Variants in CYLC1 observed in about 807,000 individuals in gnomAD.
CYLC1 encodes cylicin 1.
Under a neutral mutation model 31.6 loss-of-function variants are expected in CYLC1, and 2 were observed. The observed-to-expected ratio is 0.06, with a 90% CI of 0.03 to 0.20. The LOEUF is 0.20. Ranked by LOEUF, CYLC1 falls within the 10% of genes least tolerant of loss-of-function variation. The pLI is 1.00. For synonymous variants in CYLC1, 185 were observed against 153.0 expected (o/e 1.21, Z -1.54); for missense variants, 595 against 424.1 (o/e 1.40, Z -3.54).
intron 4 of CYLC1, among the ~76,000 whole-genome samples, chrX:83,877,896 AC>A (rs1248428002): frequency 7.3e-5 from 3 of 41,371 alleles, no homozygotes; most frequent in Admixed American, 5.0e-4. Context: ...ATATATATAT[AC>A]AAATATATAT....
At chrX:83,871,677 A>G (rs1363435234) in intron 3 of CYLC1, 107 bp downstream of exon 3, 4 of 752,425 alleles carry the variant, frequency 5.3e-6, no homozygotes, top group Non-Finnish European at 7.5e-6. Flanking sequence ...GTTGGAAGAT[A>G]TTTTTAAATT....
intron 2 of CYLC1, 125 bp from the exon 3 acceptor site, chrX:83,871,327 A>C: frequency 5.0e-6 from 2 of 403,208 alleles, no homozygotes; most frequent in Non-Finnish European, 8.2e-6. Flanking sequence ...ACTCTGAGGA[A>C]AAAATCTATA....
rs199794747 is a variant in CYLC1 at position 83,874,013 on chromosome X, G to T, written c.1305G>T (p.Lys435Asn). 5.9e-4 allele frequency: 704 copies of T among 1,189,302 alleles called. 3 individuals are homozygous for T. Among genetic ancestry groups the T allele is most frequent in the Middle Eastern group, 2.1e-3 (9 of 4,292 alleles). The change falls in exon 4 of 5, where the codon AAG becomes AAT. Residue 435 changes from lysine (K) to asparagine (N), a missense_variant. Physicochemically the swap from Lys to Asn is moderately conservative, Grantham distance 94. Coordinates refer to ENST00000329312, the MANE Select transcript of CYLC1 (RefSeq NM_021118.3). Reference protein sequence around the residue: ...DKKDSKTDNKKSVKNDEESTD... With the variant: ...DKKDSKTDNKNSVKNDEESTD... ...AAGATTCAAAGACAGATAATAAAAA[G>T]TCTGTCAAGAATGATGAAGAGTCTA... is the stretch of plus-strand genomic sequence containing the variant.
At chrX:83,867,291 G>A (rs1223363172) in intron 1 of CYLC1, among the ~76,000 whole-genome samples, 2 of 111,216 alleles carry the variant, frequency 1.8e-5, no homozygotes, top group Admixed American at 9.6e-5. Flanking sequence ...TTTATTCAAG[G>A]CAGTCAAGGC....
At chrX:83,883,860 G>C (rs1189034308) in intron 4 of CYLC1, among the ~76,000 whole-genome samples, 1 of 111,553 alleles carries the variant, frequency 9.0e-6, no homozygotes, top group South Asian at 3.7e-4. Context: ...CTGGAGCTAG[G>C]TAATATCAAA....
chrX:83,884,180 AT>A (rs1283705558), intron 4 of CYLC1, among the ~76,000 whole-genome samples: 1 of 111,864 alleles, frequency 8.9e-6, no homozygotes, highest in Non-Finnish European at 1.9e-5. Context: ...GCTAAGGAAA[AT>A]AAAAGCAGCA....
rs2031726199 is a variant in CYLC1 at position 83,874,279 on chromosome X, T to C, written c.1571T>C (p.Phe524Ser). 2 of 1,207,759 alleles carry C rather than the reference T, an allele frequency of 1.7e-6. No individual in the cohort carries two copies. Among genetic ancestry groups the C allele is most frequent in the African/African-American group, 3.5e-5 (2 of 56,966 alleles). The change falls in exon 4 of 5, where the codon TTT (phenylalanine) becomes TCT (serine). Residue 524 changes from phenylalanine to serine, a missense_variant. Transcript: ENST00000329312. ...RKDTESTDAEFDESSKTGFKT... is the reference protein window; with the variant it reads ...RKDTESTDAESDESSKTGFKT... ...GACACAGAGTCTACTGATGCTGAAT[T>C]TGATGAATCTTCCAAGACAGGCTTT...
At position 83,873,779 on chromosome X, in the gene CYLC1, T is replaced by C. The variant is rs2031714137; in HGVS notation, c.1071T>C (p.Asp357=). The change falls in exon 4 of 5, where the codon GAT becomes GAC. Residue 357 remains aspartate, a synonymous_variant. Coordinates refer to ENST00000329312, the MANE Select transcript of CYLC1 (RefSeq NM_021118.3). ...TKKDKKKLKK[D]DKKKDTKKYP... ...AGGATAAGAAAAAATTAAAGAAAGA[T>C]GACAAGAAAAAGGACACAAAGAAGT... 8.4e-7 allele frequency: 1 copy of C among 1,186,285 alleles called. No individual in the cohort carries two copies.
At chrX:83,884,932 T>C (rs1236340641) in intron 4 of CYLC1, among the ~76,000 whole-genome samples, 1 of 110,884 alleles carries the variant, frequency 9.0e-6, no homozygotes, top group African/African-American at 3.3e-5. Context: ...TTACCCAAAC[T>C]CTTTCCTATA....
chrX:83,881,854 G>A (rs1396845109), intron 4 of CYLC1, among the ~76,000 whole-genome samples: 1 of 107,772 alleles, frequency 9.3e-6, no homozygotes, highest in Non-Finnish European at 1.9e-5. Context: ...CCACCACCAC[G>A]CCCAGCTAAT....
At chrX:83,878,252 AAT>A (rs1249435401) in intron 4 of CYLC1, among the ~76,000 whole-genome samples, 3 of 1,145 alleles carry the variant, frequency 2.6e-3, no homozygotes, top group Non-Finnish European at 7.4e-3. Context: ...TAAATATATA[AAT>A]ATATATATAA....
intron 1 of CYLC1, 104 bp downstream of exon 1, chrX:83,861,303 C>T (rs2031506213): frequency 2.1e-5 from 12 of 569,280 alleles, no homozygotes; most frequent in Non-Finnish European, 2.4e-5. Flanking sequence ...CTTTCATAGT[C>T]GTTTTATTTA....
At chrX:83,868,779 A>T (rs1020903450) in intron 1 of CYLC1, among the ~76,000 whole-genome samples, 1 of 110,984 alleles carries the variant, frequency 9.0e-6, no homozygotes, top group African/African-American at 3.3e-5. Context: ...CATTATCTTA[A>T]TTACTGTCAC....
intron 4 of CYLC1, among the ~76,000 whole-genome samples, chrX:83,877,537 G>C (rs746130524): frequency 1.8e-5 from 2 of 109,964 alleles, no homozygotes; most frequent in Non-Finnish European, 3.8e-5. Flanking sequence ...CATTCTTTTT[G>C]TTTCTCATAA....
At chrX:83,883,014 G>A (rs774763212) in intron 4 of CYLC1, among the ~76,000 whole-genome samples, 1 of 110,635 alleles carries the variant, frequency 9.0e-6, no homozygotes, top group African/African-American at 3.3e-5. Flanking sequence ...ATTAAAAAAA[G>A]GTGTGAAAGG....
intron 4 of CYLC1, among the ~76,000 whole-genome samples, chrX:83,875,892 T>A (rs1431052152): frequency 9.0e-6 from 1 of 110,664 alleles, no homozygotes; most frequent in African/African-American, 3.3e-5. Context: ...CCCTCTGACC[T>A]GTTAAACTCA....
rs1223395601 is a variant in CYLC1 at position 83,873,503 on chromosome X, A to G, written c.795A>G (p.Leu265=). The stretch of plus-strand genomic sequence containing the variant: ...AATCCATAAATTTTGATGCATGGTT[A>G]AGGAATTACTCACAGAATAATTCAA... ...DDESINFDAW[L]RNYSQNNSKN... is the part of the protein sequence containing the mutation. The change falls in exon 4 of 5, where the codon TTA becomes TTG. Residue 265 remains leucine (L), a synonymous_variant. Coordinates refer to ENST00000329312, the MANE Select transcript of CYLC1 (RefSeq NM_021118.3). 2 of 1,191,690 alleles carry G rather than the reference A, an allele frequency of 1.7e-6. No homozygotes were observed. The highest frequency in any genetic ancestry group is 3.5e-5 in the African/African-American group (2 of 57,103).
intron 4 of CYLC1, among the ~76,000 whole-genome samples, chrX:83,878,033 TATATAA>T (rs1410559201): frequency 4.5e-5 from 3 of 66,087 alleles, no homozygotes; most frequent in Non-Finnish European, 7.7e-5. Context: ...TATATATTTG[TATATAA>T]ATATAAATAT....
At chrX:83,885,967 G>C (rs1023174247) in intron 4 of CYLC1, among the ~76,000 whole-genome samples, 5 of 109,950 alleles carry the variant, frequency 4.5e-5, no homozygotes, top group Admixed American at 2.9e-4. Flanking sequence ...GGAAATTAGA[G>C]GGAAAAGTTT....
Sources: gnomAD v4.1 joint callset for allele counts (sites outside exome capture counted in the v4.1 genomes callset) on GRCh38, gnomAD v4.1.1 for gene constraint, MANE v1.5 for transcripts, NCBI Gene and HGNC (gene_info 2026-07-23, HGNC 2026-07-21) for gene names.